The following MYLK4 variants were observed in gnomAD, a reference collection of about 807,000 sequenced individuals.
MYLK4 encodes the protein caMLCK like.
In MYLK4, 46 loss-of-function variants were observed where a neutral mutation model predicts 48.1. That is an observed-to-expected ratio of 0.96 (90% CI 0.75 to 1.22). The LOEUF (loss-of-function observed/expected upper bound fraction) is 1.22, where lower values mean the gene tolerates loss of function less well. Among genes scored for constraint, MYLK4 ranks in the 50% most tolerant of loss-of-function variants. MYLK4 has a pLI of 0.00. For synonymous variants in MYLK4, 170 were observed against 180.8 expected, an observed-to-expected ratio of 0.94 and a Z score of 0.48; for missense variants, 451 against 486.1, an observed-to-expected ratio of 0.93 and a Z score of 0.68.
chr6:2,720,987 C>T (rs551331008), intron 2 of MYLK4, among the ~76,000 whole-genome samples: 1 of 151,868 alleles, frequency 6.6e-6, no homozygotes, highest in African/African-American at 2.4e-5. Flanking sequence ...ATGGTGAAAC[C>T]CTGTCTCTAC....
At chr6:2,740,750 T>C (rs1431074612) in intron 2 of MYLK4, among the ~76,000 whole-genome samples, 1 of 152,236 alleles carries the variant, frequency 6.6e-6, no homozygotes, top group Non-Finnish European at 1.5e-5. Context: ...AAACTTTACC[T>C]GTTCCTCATT....
At chr6:2,707,096 A>G (rs1403107857) in intron 2 of MYLK4, among the ~76,000 whole-genome samples, 1 of 152,212 alleles carries the variant, frequency 6.6e-6, no homozygotes, top group Non-Finnish European at 1.5e-5. Context: ...GCAACACGGG[A>G]CAGTATACGT....
the MYLK4 span, chr6:2,765,638 C>T: frequency 5.8e-6 from 9 of 1,540,670 alleles, no homozygotes; most frequent in South Asian, 1.2e-5. Context: ...GGTGAGCGGG[C>T]CGGAAGACGA....
At chr6:2,725,387 G>T (rs1049833327) in intron 2 of MYLK4, among the ~76,000 whole-genome samples, 13 of 151,740 alleles carry the variant, frequency 8.6e-5, no homozygotes, top group African/African-American at 2.9e-4. Context: ...GATCGCTTGA[G>T]CTCAGAAGTT....
rs1761477109 is a variant in MYLK4 at position 2,685,142 on chromosome 6, C to G, written c.545+154G>C. 6.6e-6 allele frequency among the ~76,000 whole-genome samples: 1 copy of G among 152,178 alleles called. No individual in the cohort carries two copies. Among genetic ancestry groups the G allele is most frequent in the Non-Finnish European group, 1.5e-5 (1 of 68,042 alleles). On this transcript the variant is annotated intron_variant, in intron 6 of 12. Transcript: ENST00000274643. The surrounding 1 kb of genome is among the most constrained non-coding windows in gnomAD (Gnocchi z 4.5). ...ATTTGTAACCCCAAGTGTTTCCCTT[C>G]TAGAACTGATGTGATTGTGTGATCC... is the stretch of plus-strand genomic sequence containing the variant.
At chr6:2,709,380 G>A (rs535218727) in intron 2 of MYLK4, among the ~76,000 whole-genome samples, 161 of 152,238 alleles carry the variant, frequency 1.1e-3, no homozygotes, top group Middle Eastern at 6.8e-3. Flanking sequence ...TGAGACTTGC[G>A]TCTTACTTGT....
the MYLK4 span, among the ~76,000 whole-genome samples, chr6:2,759,893 G>C: frequency 6.6e-6 from 1 of 152,122 alleles, no homozygotes; most frequent in African/African-American, 2.4e-5. Flanking sequence ...AAGATACAGA[G>C]AACTGATCTT....
At chr6:2,712,604 A>G (rs1045675711) in intron 2 of MYLK4, among the ~76,000 whole-genome samples, 2 of 152,210 alleles carry the variant, frequency 1.3e-5, no homozygotes, top group African/African-American at 4.8e-5. Context: ...ACTTAAGCTA[A>G]GCAGAATCAA....
chr6:2,683,698 TG>T (rs1761417175), intron 6 of MYLK4, among the ~76,000 whole-genome samples: 1 of 152,142 alleles, frequency 6.6e-6, no homozygotes, highest in Non-Finnish European at 1.5e-5. Flanking sequence ...GGATTACAGG[TG>T]GGAGCCACCA....
At chr6:2,755,712 T>C (rs928903089), upstream of MYLK4, among the ~76,000 whole-genome samples, 4 of 152,186 alleles carry the variant, frequency 2.6e-5, no homozygotes, top group Admixed American at 1.3e-4. Context: ...CTAAGTTTTG[T>C]ATTTTTTGTG....
intron 12 of MYLK4, among the ~76,000 whole-genome samples, chr6:2,669,533 T>C (rs997570105): frequency 2.0e-5 from 3 of 152,042 alleles, no homozygotes; most frequent in African/African-American, 7.2e-5. Flanking sequence ...GTCCTTATGG[T>C]GGGAAGGTGG....
In MYLK4 at chr6:2,674,729, G is replaced by A. The variant is rs373859686; in HGVS notation, c.1119+318C>T. Among the ~76,000 whole-genome samples the A allele has an allele frequency of 8.0e-4, 122 of 152,204 alleles. 4 individuals carry two copies. The South Asian group carries it at 0.024, about 30-fold the overall frequency. ...TCCACTAAAACTACAAAATTAGCCA[G>A]GCATGGTGGCACACGCCTGTAATCC... On this transcript the variant is annotated intron_variant, in intron 11 of 12. Transcript: ENST00000274643.
upstream of MYLK4, among the ~76,000 whole-genome samples, chr6:2,751,956 CAA>C (rs1284365552): frequency 6.6e-6 from 1 of 152,162 alleles, no homozygotes; most frequent in African/African-American, 2.4e-5. Flanking sequence ...AAGTATTATA[CAA>C]AGACTAAGCT....
At chr6:2,721,640 C>T (rs754435656) in intron 2 of MYLK4, among the ~76,000 whole-genome samples, 13 of 152,222 alleles carry the variant, frequency 8.5e-5, no homozygotes, top group Non-Finnish European at 1.9e-4. Flanking sequence ...TAAGTTCCTC[C>T]TGAATAAACC....
At chr6:2,689,400 G>A (rs539445548) in intron 3 of MYLK4, among the ~76,000 whole-genome samples, 1 of 152,268 alleles carries the variant, frequency 6.6e-6, no homozygotes, top group East Asian at 1.9e-4. Context: ...ATTTCTTCAT[G>A]TTGTTGAAAT....
At chr6:2,766,114 G>A in the MYLK4 span, 1 of 1,322,592 alleles carries the variant, frequency 7.6e-7, no homozygotes, top group Non-Finnish European at 9.6e-7. Context: ...AGGCGCAGGA[G>A]GAGGAGGAGG....
At chr6:2,753,975 A>T (rs1200776777), upstream of MYLK4, among the ~76,000 whole-genome samples, 1 of 151,308 alleles carries the variant, frequency 6.6e-6, no homozygotes. Context: ...AGCCTGGGCA[A>T]CATAGCAAGA....
chr6:2,724,879 A>G (rs1302059229), intron 2 of MYLK4, among the ~76,000 whole-genome samples: 1 of 152,194 alleles, frequency 6.6e-6, no homozygotes, highest in African/African-American at 2.4e-5. Context: ...TAGTAAAACT[A>G]TATATAATTA....
At chr6:2,743,316 G>C (rs9503293) in intron 2 of MYLK4, among the ~76,000 whole-genome samples, 2 of 152,246 alleles carry the variant, frequency 1.3e-5, no homozygotes, top group African/African-American at 4.8e-5. Flanking sequence ...TATGTGCAAA[G>C]AGCTGTCTTC....
Sources: allele counts gnomAD v4.1 joint callset (sites outside exome capture counted in the v4.1 genomes callset), GRCh38; gene constraint gnomAD v4.1.1; non-coding constraint Gnocchi (gnomAD v3.1); transcripts MANE v1.5; gene names NCBI Gene and HGNC (gene_info 2026-07-23, HGNC 2026-07-21).